F2R: variants seen among roughly 807,000 people sequenced by gnomAD.
The protein encoded by F2R is coagulation factor II thrombin receptor.
In F2R, 12 loss-of-function variants were observed where a neutral mutation model predicts 18.3. The ratio of observed to expected loss-of-function variants is 0.66; its 90% CI spans 0.42 to 1.06. The LOEUF (loss-of-function observed/expected upper bound fraction) is 1.06, where lower values mean the gene tolerates loss of function less well. F2R is among the 50% of genes least tolerant of loss of function. F2R has a pLI of 0.00. For synonymous variants in F2R, 210 were observed against 219.9 expected, an observed-to-expected ratio of 0.95 and a Z score of 0.40; for missense variants, 438 against 530.8, an observed-to-expected ratio of 0.83 and a Z score of 1.72.
rs182355415 is a variant in F2R at position 76,729,785 on chromosome 5, A to G, written c.89-2529A>G. Among the ~76,000 whole-genome samples the G allele has an allele frequency of 6.2e-3, 938 of 152,322 alleles. 24 individuals carry two copies. The Middle Eastern group carries it at 0.068, about 11-fold the overall frequency. On this transcript the variant is annotated intron_variant, in intron 1 of 1. Coordinates refer to ENST00000319211, the MANE Select transcript of F2R (RefSeq NM_001992.5). Reference sequence around the variant, plus strand: ...GCTCTATGTCCCCACCCAAATCTCAACTTGTAGCTCCCATAATTCCCATGT... The same window carrying G: ...GCTCTATGTCCCCACCCAAATCTCAGCTTGTAGCTCCCATAATTCCCATGT...
chr5:76,731,319 C>T (rs368846316), intron 1 of F2R, among the ~76,000 whole-genome samples: 27 of 151,988 alleles, frequency 1.8e-4, no homozygotes, highest in Admixed American at 8.5e-4. Flanking sequence ...ACTCCAAAAC[C>T]TTTAAGAAAT....
At chr5:76,721,752 A>G (rs1373792793) in intron 1 of F2R, among the ~76,000 whole-genome samples, 1 of 152,340 alleles carries the variant, frequency 6.6e-6, no homozygotes, top group Admixed American at 6.5e-5. Context: ...GTGGACAATC[A>G]TAGTATATAT....
rs1748720600 is a variant in F2R at position 76,733,435 on chromosome 5, A to G, written c.1210A>G (p.Met404Val). The G allele has an allele frequency of 1.2e-6, 2 of 1,614,084 alleles. No homozygotes were observed. The highest frequency in any genetic ancestry group is 1.7e-6 in the Non-Finnish European group (2 of 1,180,034). The change falls in exon 2 of 2, where the codon ATG becomes GTG. Residue 404 changes from methionine to valine, a missense_variant. Physicochemically the swap from Met to Val is conservative, Grantham distance 21 (BLOSUM62 1). Transcript: ENST00000319211. ...CAGTTATAACAGCAGTGGGCAGTTG[A>G]TGGCAAGTAAAATGGATACCTGCTC... is the stretch of plus-strand genomic sequence containing the variant. The part of the protein sequence containing the change: ...PSSYNSSGQL[M>V]ASKMDTCSSN...
At chr5:76,725,503 G>C (rs562926611) in intron 1 of F2R, among the ~76,000 whole-genome samples, 56 of 152,206 alleles carry the variant, frequency 3.7e-4, no homozygotes, top group African/African-American at 1.3e-3. Context: ...GTTGTGCTAG[G>C]ACTGGAGGAA....
intron 1 of F2R, among the ~76,000 whole-genome samples, chr5:76,726,887 G>A (rs1248562609): frequency 6.6e-6 from 1 of 152,214 alleles, no homozygotes; most frequent in Non-Finnish European, 1.5e-5. Context: ...CACATCCACA[G>A]GGTCTGTTGG....
chr5:76,718,544 A>G (rs1006766265), intron 1 of F2R, among the ~76,000 whole-genome samples: 1 of 152,200 alleles, frequency 6.6e-6, no homozygotes. Context: ...TTCCTCCAGC[A>G]CTTCCCGACT....
chr5:76,730,686 T>C (rs1748653350), intron 1 of F2R, among the ~76,000 whole-genome samples: 1 of 152,186 alleles, frequency 6.6e-6, no homozygotes, highest in African/African-American at 2.4e-5. Flanking sequence ...TACCTGGAGA[T>C]AGAGTCAGAT....
chr5:76,729,483 T>C (rs1748630669), intron 1 of F2R, among the ~76,000 whole-genome samples: 1 of 152,252 alleles, frequency 6.6e-6, no homozygotes, highest in South Asian at 2.1e-4. Context: ...TTGTTTCCTT[T>C]GCTGTGCAGA....
At chr5:76,723,320 C>T (rs1748500761) in intron 1 of F2R, among the ~76,000 whole-genome samples, 1 of 152,200 alleles carries the variant, frequency 6.6e-6, no homozygotes, top group Admixed American at 6.5e-5. Context: ...TCATGAATCA[C>T]AAGTTTTTAA....
intron 1 of F2R, among the ~76,000 whole-genome samples, chr5:76,720,574 C>A (rs1203822786): frequency 2.0e-5 from 3 of 151,858 alleles, no homozygotes; most frequent in Non-Finnish European, 4.4e-5. Flanking sequence ...GTATTTAGTA[C>A]ATTTACAGTG....
intron 1 of F2R, among the ~76,000 whole-genome samples, chr5:76,720,818 G>T (rs1282104154): frequency 6.6e-6 from 1 of 151,986 alleles, no homozygotes; most frequent in Non-Finnish European, 1.5e-5. Flanking sequence ...TGTTGTTGCT[G>T]TTTTTTTGAG....
intron 1 of F2R, among the ~76,000 whole-genome samples, chr5:76,727,097 G>C (rs1166657197): frequency 6.6e-6 from 1 of 152,200 alleles, no homozygotes; most frequent in African/African-American, 2.4e-5. Flanking sequence ...TGCTAAGTAG[G>C]AGGGAAGATG....
In F2R at chr5:76,716,164, A is replaced by C; in HGVS notation, c.-144A>C. ...ACAGCGCTCGCCGAGGGTCGCTTGG[A>C]CCCTGATCTTACCCGTGGGCACCCT... On this transcript the variant is annotated 5_prime_UTR_variant, in exon 1 of 2. Coordinates refer to ENST00000319211, the MANE Select transcript of F2R (RefSeq NM_001992.5). The C allele has an allele frequency of 2.0e-6, 1 of 506,636 alleles. No individual in the cohort carries two copies. The highest frequency in any genetic ancestry group is 3.1e-6 in the Non-Finnish European group (1 of 325,674). 31.4% of individuals were successfully genotyped at this position (506,636 alleles called of 1,614,324 possible).
chr5:76,721,290 T>C (rs935718402), intron 1 of F2R, among the ~76,000 whole-genome samples: 2 of 152,226 alleles, frequency 1.3e-5, no homozygotes, highest in Non-Finnish European at 2.9e-5. Context: ...GCGATTTCTT[T>C]CATTCTGCCT....
intron 1 of F2R, among the ~76,000 whole-genome samples, chr5:76,722,498 TGG>T (rs1023738996): frequency 6.6e-6 from 1 of 151,822 alleles, no homozygotes; most frequent in Non-Finnish European, 1.5e-5. Context: ...GCTGTGGCGT[TGG>T]GTACACCTGC....
At chr5:76,720,663 C>T (rs1748432676) in intron 1 of F2R, among the ~76,000 whole-genome samples, 2 of 152,072 alleles carry the variant, frequency 1.3e-5, no homozygotes, top group Non-Finnish European at 2.9e-5. Flanking sequence ...GCAGTCAGAT[C>T]CCATTCTCCC....
chr5:76,724,843 ATTTCT>A (rs1420185080), intron 1 of F2R, among the ~76,000 whole-genome samples: 1 of 152,178 alleles, frequency 6.6e-6, no homozygotes, highest in African/African-American at 2.4e-5. Flanking sequence ...GGAACTAGTC[ATTTCT>A]TTAAGAAGCC....
chr5:76,735,497 TA>T lies in F2R; in HGVS notation c.*2001del, dbSNP rs1273996657. On this transcript the variant is annotated 3_prime_UTR_variant, in exon 2 of 2. Coordinates refer to ENST00000319211, the MANE Select transcript of F2R (RefSeq NM_001992.5). ...TCAAAAAATAAAAATAAATAAAAAA[TA>T]AAAAAATAAAAGAGCAAACTATTTC... The T allele has an allele frequency of 3.3e-5, 5 of 151,864 alleles. No individual in the cohort carries two copies. Among genetic ancestry groups the T allele is most frequent in the African/African-American group, 1.2e-4 (5 of 41,442 alleles). 9.4% of individuals were successfully genotyped at this position (151,864 alleles called of 1,614,324 possible). A position where few individuals can be genotyped will look rare whatever the true frequency, so the allele number is the denominator to read the frequency against.
rs542358989 is a variant in F2R at position 76,730,821 on chromosome 5, C to T, written c.89-1493C>T. On this transcript the variant is annotated intron_variant, in intron 1 of 1. Transcript: ENST00000319211. ...GTTCCTAAGGCCCCCTGCTCAGATT[C>T]GATTAATTTGCTAGCATGATTCACA... Among the ~76,000 whole-genome samples the T allele has an allele frequency of 2.0e-5, 3 of 152,246 alleles. No homozygotes were observed. In the South Asian group the frequency reaches 6.2e-4, roughly 32 times the overall value.
Sources: allele counts gnomAD v4.1 joint callset (sites outside exome capture counted in the v4.1 genomes callset), GRCh38; gene constraint gnomAD v4.1.1; transcripts MANE v1.5; gene names NCBI Gene and HGNC (gene_info 2026-07-23, HGNC 2026-07-21).